CDH13: variants seen among roughly 807,000 people sequenced by gnomAD.
The protein encoded by CDH13 is cadherin 13, also known as cadherin-13.
In CDH13, 24 loss-of-function variants were observed where a neutral mutation model predicts 63.8. That is an observed-to-expected ratio of 0.38 (90% CI 0.27 to 0.53). CDH13 has a LOEUF of 0.53. Among genes scored for constraint, CDH13 ranks in the 20% least tolerant of loss-of-function variants. The pLI, the probability that CDH13 is intolerant of heterozygous loss-of-function variation, is 0.85. For synonymous variants in CDH13, 503 were observed against 355.3 expected (o/e 1.42, Z -4.67); for missense variants, 1,049 against 903.1 (o/e 1.16, Z -2.07).
intron 5 of CDH13, among the ~76,000 whole-genome samples, chr16:83,268,314 G>A (rs889116983): frequency 2.0e-5 from 3 of 152,186 alleles, no homozygotes; most frequent in Non-Finnish European, 2.9e-5. Context: ...GGACAGTTAC[G>A]CTGCTGGTGA....
chr16:83,549,237 C>T lies in CDH13; in HGVS notation c.961-53217C>T, dbSNP rs554444961. On this transcript the variant is annotated intron_variant, in intron 7 of 13. Transcript: ENST00000567109. ...CACCTGGGAGAGCCCACGGGAGCACCTGTGAGTTGGTTCCGAGAAAACATC... is the reference window on the plus strand; with the variant it reads ...CACCTGGGAGAGCCCACGGGAGCACTTGTGAGTTGGTTCCGAGAAAACATC... 5.9e-5 allele frequency among the ~76,000 whole-genome samples: 9 copies of T among 152,326 alleles called. No homozygotes were observed. The South Asian group carries it at 1.4e-3, about 25-fold the overall frequency.
chr16:83,613,740 C>G (rs917870771), intron 8 of CDH13, among the ~76,000 whole-genome samples: 3 of 151,964 alleles, frequency 2.0e-5, no homozygotes, highest in Non-Finnish European at 4.4e-5. Flanking sequence ...GGCTGAGGCA[C>G]GAGAATCACT....
At chr16:82,853,208 G>A (rs889730743) in intron 1 of CDH13, among the ~76,000 whole-genome samples, 1 of 152,178 alleles carries the variant, frequency 6.6e-6, no homozygotes, top group Non-Finnish European at 1.5e-5. Flanking sequence ...TTCTGATGGT[G>A]CAGCTGATCC....
intron 1 of CDH13, among the ~76,000 whole-genome samples, chr16:82,784,943 G>A (rs1037714429): frequency 6.6e-6 from 1 of 152,194 alleles, no homozygotes; most frequent in African/African-American, 2.4e-5. Context: ...AAATGAGACA[G>A]AAGAGCTGCT....
chr16:83,154,221 G>C (rs1371656690), intron 4 of CDH13, among the ~76,000 whole-genome samples: 1 of 152,038 alleles, frequency 6.6e-6, no homozygotes, highest in African/African-American at 2.4e-5. Flanking sequence ...GCCTGAAACA[G>C]AGTTGAAACT....
At chr16:82,963,142 G>A (rs375153460) in intron 2 of CDH13, among the ~76,000 whole-genome samples, 18 of 151,126 alleles carry the variant, frequency 1.2e-4, no homozygotes, top group East Asian at 3.9e-4. Context: ...AGGCTGAGGC[G>A]GGCAGATCAC....
intron 2 of CDH13, among the ~76,000 whole-genome samples, chr16:83,017,365 T>G (rs953797481): frequency 6.6e-6 from 1 of 152,242 alleles, no homozygotes; most frequent in Non-Finnish European, 1.5e-5. Context: ...CTCCCTGTTA[T>G]GTCCTGTGCT....
chr16:83,253,334 T>C (rs944978481), intron 5 of CDH13, among the ~76,000 whole-genome samples: 2 of 152,226 alleles, frequency 1.3e-5, no homozygotes, highest in Non-Finnish European at 2.9e-5. Flanking sequence ...ATTCGACACA[T>C]TAAACCTCAG....
intron 10 of CDH13, among the ~76,000 whole-genome samples, chr16:83,686,968 G>A (rs940923935): frequency 6.6e-6 from 1 of 152,146 alleles, no homozygotes. Context: ...CCAGCACTTC[G>A]GGAGGCCAAG....
intron 3 of CDH13, among the ~76,000 whole-genome samples, chr16:83,106,843 G>A (rs1347437042): frequency 1.3e-5 from 2 of 152,060 alleles, no homozygotes; most frequent in Admixed American, 1.3e-4. Context: ...CTTTTCTTCT[G>A]TGTTTTAATA....
chr16:83,176,864 C>G (rs1012496512), intron 4 of CDH13, among the ~76,000 whole-genome samples: 7 of 152,094 alleles, frequency 4.6e-5, no homozygotes, highest in African/African-American at 1.4e-4. Flanking sequence ...TCTGAGCGAG[C>G]CCTTAGTTAC....
chr16:82,813,300 G>T (rs1342895536), intron 1 of CDH13, among the ~76,000 whole-genome samples: 1 of 152,032 alleles, frequency 6.6e-6, no homozygotes, highest in Non-Finnish European at 1.5e-5. Flanking sequence ...ATGCGTTTAG[G>T]GCTTCAGAGC....
chr16:82,980,160 G>T (rs1057053751), intron 2 of CDH13, among the ~76,000 whole-genome samples: 1 of 152,184 alleles, frequency 6.6e-6, no homozygotes, highest in Admixed American at 6.5e-5. Context: ...AGACAGTGAG[G>T]TGTGTGTGCA....
intron 1 of CDH13, among the ~76,000 whole-genome samples, chr16:82,715,258 C>T (rs2032279370): frequency 6.6e-6 from 1 of 151,972 alleles, no homozygotes; most frequent in South Asian, 2.1e-4. Flanking sequence ...CAGTCTAATT[C>T]TATGACTTGC....
Position 83,658,050 on chromosome 16 carries a change from T to A in CDH13, c.1102-12740T>A, listed in dbSNP as rs376476187. On this transcript the variant is annotated intron_variant, in intron 8 of 13. Coordinates refer to ENST00000567109, the MANE Select transcript of CDH13 (RefSeq NM_001257.5). Reference sequence around the variant, plus strand: ...AGGTCCCATGTCCTCACCAGCAAGGTCCCATATCCTCACCACCAGGTGCCA... The same window carrying A: ...AGGTCCCATGTCCTCACCAGCAAGGACCCATATCCTCACCACCAGGTGCCA... Among the ~76,000 whole-genome samples the A allele has an allele frequency of 5.7e-5, 5 of 88,194 alleles. No individual in the cohort carries two copies. The East Asian group carries it at 1.1e-3, about 19-fold the overall frequency. 57.9% of individuals were successfully genotyped at this position (88,194 alleles called of 152,430 possible).
At position 82,961,553 on chromosome 16, in the gene CDH13, T is replaced by G. The variant is rs528491600; in HGVS notation, c.158-70457T>G. The stretch of plus-strand genomic sequence containing the variant: ...TCAGCAATTCACAGTCTTTTGTCCA[T>G]AAGAATAAGCAGGGGACTTAAAAAA... On this transcript the variant is annotated intron_variant, in intron 2 of 13. Coordinates refer to ENST00000567109, the MANE Select transcript of CDH13 (RefSeq NM_001257.5). Among the ~76,000 whole-genome samples the G allele has an allele frequency of 5.0e-5, 5 of 99,378 alleles. No individual in the cohort carries two copies. The East Asian group carries it at 1.6e-3, about 32-fold the overall frequency. The allele number at this position is 99,378 out of a possible 152,430, so 65.2% of individuals were successfully genotyped here. A position where few individuals can be genotyped will look rare whatever the true frequency, so the allele number is the denominator to read the frequency against.
intron 3 of CDH13, among the ~76,000 whole-genome samples, chr16:83,102,965 T>TTTTTTTTC (rs2034570357): frequency 2.4e-4 from 26 of 107,860 alleles, no homozygotes; most frequent in South Asian, 6.4e-4. Flanking sequence ...TTTTTTTTTT[T>TTTTTTTTC]TTTTTGAGGT....
intron 2 of CDH13, among the ~76,000 whole-genome samples, chr16:82,907,666 T>A (rs185027315): frequency 7.9e-5 from 12 of 152,340 alleles, no homozygotes; most frequent in African/African-American, 2.9e-4. Context: ...ACATTGATTT[T>A]CTGTTTCCAA....
chr16:82,904,142 A>G (rs75831256), intron 2 of CDH13, among the ~76,000 whole-genome samples: 1 of 152,196 alleles, frequency 6.6e-6, no homozygotes, highest in South Asian at 2.1e-4. Context: ...GAAGAAAAAA[A>G]CACCTGTATA....
Sources: gnomAD v4.1 joint callset for allele counts (sites outside exome capture counted in the v4.1 genomes callset) on GRCh38, gnomAD v4.1.1 for gene constraint, MANE v1.5 for transcripts, NCBI Gene and HGNC (gene_info 2026-07-23, HGNC 2026-07-21) for gene names.